Variants in KATNA1 observed in about 807,000 individuals in gnomAD.
KATNA1 encodes the protein katanin p60 ATPase-containing subunit A1.
Under a neutral mutation model 62.6 loss-of-function variants are expected in KATNA1, and 42 were observed. The ratio of observed to expected loss-of-function variants is 0.67; its 90% CI spans 0.52 to 0.87. KATNA1 has a LOEUF of 0.87. Among genes scored for constraint, KATNA1 ranks in the 40% least tolerant of loss-of-function variants. The pLI, the probability that KATNA1 is intolerant of heterozygous loss-of-function variation, is 0.00. For synonymous variants in KATNA1, 186 were observed against 201.9 expected (o/e 0.92, Z 0.67); for missense variants, 498 against 612.5 (o/e 0.81, Z 1.97).
Position 149,603,343 on chromosome 6 carries a change from T to C in KATNA1, c.654A>G (p.Lys218=). The C allele has an allele frequency of 6.3e-7, 1 of 1,596,114 alleles. No homozygotes were observed. The highest frequency in any genetic ancestry group is 8.6e-7 in the Non-Finnish European group (1 of 1,166,498). The change falls in exon 6 of 11, where the codon AAA becomes AAG. Residue 218 remains lysine, a synonymous_variant. Transcript: ENST00000367411. ...ACACTACGGCTTCCTTAAGCAACTT[T>C]TTAGCTTCTACTAAATCAGCGATAT... The part of the protein sequence containing the change: ...WDDIADLVEA[K]KLLKEAVVLP...
chr6:149,621,744 C>T (rs1779405105), intron 4 of KATNA1, among the ~76,000 whole-genome samples: 1 of 151,740 alleles, frequency 6.6e-6, no homozygotes, highest in Non-Finnish European at 1.5e-5. Flanking sequence ...TCACCCGCCT[C>T]AGCCTCCCAA....
intron 6 of KATNA1, 111 bp from the exon 7 acceptor site, chr6:149,601,863 C>A (rs2115082757): frequency 1.5e-6 from 1 of 675,612 alleles, no homozygotes; most frequent in Non-Finnish European, 2.2e-6. Flanking sequence ...AATATCAAGA[C>A]AAATAAAAGA....
chr6:149,646,899 A>C (rs1314459020), intron 1 of KATNA1, among the ~76,000 whole-genome samples: 2 of 152,226 alleles, frequency 1.3e-5, no homozygotes, highest in African/African-American at 2.4e-5. Flanking sequence ...GGCTAAAAAA[A>C]CCCAAACTAT....
Position 149,603,356 on chromosome 6 carries a change from A to G in KATNA1, c.641T>C (p.Leu214Ser). The G allele has an allele frequency of 1.9e-6, 3 of 1,570,312 alleles. No homozygotes were observed. Among genetic ancestry groups the G allele is most frequent in the Non-Finnish European group, 2.6e-6 (3 of 1,143,784 alleles). Residue 214 changes from leucine to serine, a missense_variant, in exon 6 of 11, where the codon TTA becomes TCA. By Grantham distance (145) the Leu-to-Ser change is moderately radical. Transcript: ENST00000367411. ...PNVRWDDIAD[L>S]VEAKKLLKEA... Reference sequence around the variant, plus strand: ...CTTAAGCAACTTTTTAGCTTCTACTAAATCAGCGATATCATCCCTGAAAGA... The same window carrying G: ...CTTAAGCAACTTTTTAGCTTCTACTGAATCAGCGATATCATCCCTGAAAGA...
intron 4 of KATNA1, among the ~76,000 whole-genome samples, chr6:149,609,802 C>CAAAAAAAAAAAAAAAAAAAAA (rs1169018343): frequency 3.4e-4 from 22 of 64,500 alleles, no homozygotes; most frequent in Non-Finnish European, 4.1e-4. Context: ...GACTCCATCT[C>CAAAAAAAAAAAAAAAAAAAAA]AAAAAAAAAA....
intron 6 of KATNA1, among the ~76,000 whole-genome samples, chr6:149,602,528 G>A (rs545847630): frequency 6.6e-6 from 1 of 152,004 alleles, no homozygotes; most frequent in South Asian, 2.1e-4. Flanking sequence ...TTTTTTGATG[G>A]TCTTTTTTTA....
intron 10 of KATNA1, among the ~76,000 whole-genome samples, 163 bp from the exon 11 acceptor site, chr6:149,595,397 T>C (rs902058735): frequency 9.2e-5 from 14 of 152,182 alleles, no homozygotes; most frequent in African/African-American, 3.4e-4. Context: ...CAAAGCCTGT[T>C]GTGATTGATT....
chr6:149,638,580 A>C lies in KATNA1; in HGVS notation c.-13-20T>G. 6.5e-7 allele frequency: 1 copy of C among 1,540,982 alleles called. No individual in the cohort carries two copies. Among genetic ancestry groups the C allele is most frequent in the South Asian group, 1.2e-5 (1 of 86,656 alleles). On this transcript the variant is annotated intron_variant, in intron 1 of 10. Coordinates refer to ENST00000367411, the MANE Select transcript of KATNA1 (RefSeq NM_007044.4). The stretch of plus-strand genomic sequence containing the variant: ...TGTAAGCTAAAAAGAAGAAGAAAAA[A>C]AGAAACACTTTAGGTTTACATGTCT...
At chr6:149,606,806 G>T (rs1002546031) in intron 4 of KATNA1, among the ~76,000 whole-genome samples, 5 of 152,060 alleles carry the variant, frequency 3.3e-5, no homozygotes, top group Non-Finnish European at 7.4e-5. Flanking sequence ...TTTTAGTAGA[G>T]ATGGGGTTTC....
chr6:149,633,955 C>A (rs1003595717), intron 2 of KATNA1, among the ~76,000 whole-genome samples: 2 of 151,004 alleles, frequency 1.3e-5, no homozygotes, highest in Non-Finnish European at 2.9e-5. Flanking sequence ...GAAACTCCGG[C>A]TCAAATAAAT....
At position 149,598,247 on chromosome 6, in the gene KATNA1, G is replaced by A. The variant is rs761166751; in HGVS notation, c.992C>T (p.Ala331Val). 1.2e-6 allele frequency: 2 copies of A among 1,613,850 alleles called. No individual in the cohort carries two copies. Among genetic ancestry groups the A allele is most frequent in the Non-Finnish European group, 8.5e-7 (1 of 1,179,976 alleles). Residue 331 changes from alanine to valine, a missense_variant, in exon 8 of 11, where the codon GCG (alanine) becomes GTG (valine). This residue lies in a region of KATNA1 where 267 missense variants were observed against 372.6 expected (regional missense o/e 0.72). Coordinates refer to ENST00000367411, the MANE Select transcript of KATNA1 (RefSeq NM_007044.4). ...ACCATCCATCTGAACCAGCAGCTCC[G>A]CTTTCACCCTTCTGCTTGCTTCATG... The part of the protein sequence containing the change: ...EEHEASRRVK[A>V]ELLVQMDGVG...
intron 9 of KATNA1, 69 bp downstream of exon 9, chr6:149,597,438 A>G: frequency 1.3e-6 from 2 of 1,571,800 alleles, no homozygotes; most frequent in Admixed American, 3.7e-5. Context: ...TTAATAACAA[A>G]TTTTAAATTC....
At chr6:149,628,398 C>T (rs985596807) in intron 3 of KATNA1, among the ~76,000 whole-genome samples, 5 of 151,680 alleles carry the variant, frequency 3.3e-5, no homozygotes, top group South Asian at 2.1e-4. Context: ...CGTGAGCCAC[C>T]GTGCCTGGCC....
At chr6:149,596,823 A>G (rs915619731) in intron 10 of KATNA1, among the ~76,000 whole-genome samples, 11 of 152,052 alleles carry the variant, frequency 7.2e-5, no homozygotes, top group African/African-American at 2.7e-4. Context: ...GGCCTCCCAA[A>G]GTGCTGAGAT....
intron 2 of KATNA1, 102 bp downstream of exon 2, chr6:149,638,284 A>C: frequency 8.9e-7 from 1 of 1,117,692 alleles, no homozygotes; most frequent in Non-Finnish European, 1.3e-6. Flanking sequence ...CTCGGTAGTC[A>C]TACAGTCTTA....
rs571773957 is a variant in KATNA1, at chr6:149,622,103, T to G, written c.501+1000A>C. ...GAACAGTACTATAACAATGTAAAAT[T>G]TACAGCTTTTGATAACTGTGTTTTT... On this transcript the variant is annotated intron_variant, in intron 4 of 10. Transcript: ENST00000367411. 4.0e-5 allele frequency among the ~76,000 whole-genome samples: 6 copies of G among 151,508 alleles called. No homozygotes were observed. The East Asian group carries it at 5.8e-4, about 15-fold the overall frequency.
intron 1 of KATNA1, 180 bp from the exon 2 acceptor site, chr6:149,638,740 T>G (rs528454153): frequency 4.0e-4 from 176 of 436,348 alleles, no homozygotes; most frequent in South Asian, 1.4e-3. Flanking sequence ...GTTTTTTTTT[T>G]TTTTTTTTTT....
Position 149,632,703 on chromosome 6 carries a change from T to A in KATNA1, c.320+56A>T. ...AGCCACCCCATCCTCCTCCTAAATA[T>A]AATCAATGCTATAAGCTTCTTGGGA... On this transcript the variant is annotated intron_variant, in intron 3 of 10. Transcript: ENST00000367411. 3.4e-6 allele frequency: 5 copies of A among 1,466,364 alleles called. No individual in the cohort carries two copies. In the South Asian group the frequency reaches 6.8e-5, roughly 20 times the overall value. 90.8% of individuals were successfully genotyped at this position (1,466,364 alleles called of 1,614,324 possible).
intron 1 of KATNA1, among the ~76,000 whole-genome samples, chr6:149,642,101 C>T (rs1780313719): frequency 6.6e-6 from 1 of 152,156 alleles, no homozygotes; most frequent in African/African-American, 2.4e-5. Context: ...TGGGATTTCA[C>T]CATGTTGGCC....
Sources: allele counts gnomAD v4.1 joint callset (sites outside exome capture counted in the v4.1 genomes callset), GRCh38; gene constraint gnomAD v4.1.1; regional missense constraint gnomAD v4.1.1; transcripts MANE v1.5; gene names NCBI Gene and HGNC (gene_info 2026-07-23, HGNC 2026-07-21).